DCLK2: variants seen among roughly 807,000 people sequenced by gnomAD.
The protein encoded by DCLK2 is serine/threonine-protein kinase DCLK2.
Under a neutral mutation model 78.4 loss-of-function variants are expected in DCLK2, and 31 were observed. That is an observed-to-expected ratio of 0.40 (90% CI 0.30 to 0.53). The LOEUF (loss-of-function observed/expected upper bound fraction) is 0.53. Among genes scored for constraint, DCLK2 ranks in the 20% least tolerant of loss-of-function variants. DCLK2 has a pLI of 0.61. For missense variants in DCLK2, 872 were observed against 973.7 expected, an observed-to-expected ratio of 0.90 and a Z score of 1.39; for synonymous variants, 407 against 374.9, an observed-to-expected ratio of 1.09 and a Z score of -0.99.
chr4:150,238,254 T>A (rs1050281724), intron 10 of DCLK2, among the ~76,000 whole-genome samples: 1 of 152,230 alleles, frequency 6.6e-6, no homozygotes. Context: ...ATTTCCCATA[T>A]GATTAATATA....
chr4:150,092,107 G>C (rs1379849436), intron 1 of DCLK2, among the ~76,000 whole-genome samples: 2 of 151,806 alleles, frequency 1.3e-5, no homozygotes, highest in African/African-American at 4.8e-5. Context: ...TGTCCCCCAG[G>C]TTTGTCCATG....
intron 2 of DCLK2, among the ~76,000 whole-genome samples, chr4:150,181,574 T>C (rs1170851933): frequency 1.3e-5 from 2 of 152,120 alleles, no homozygotes; most frequent in Non-Finnish European, 2.9e-5. Flanking sequence ...GGTGAATAGT[T>C]ATTATTATGA....
chr4:150,199,238 A>G (rs1739290268), intron 4 of DCLK2, among the ~76,000 whole-genome samples: 2 of 152,324 alleles, frequency 1.3e-5, no homozygotes, highest in Admixed American at 1.3e-4. Context: ...AAGACACTTT[A>G]GCCTCCTCTA....
At chr4:150,239,669 C>T (rs1742761556) in intron 10 of DCLK2, 73 bp from the exon 11 acceptor site, 1 of 1,557,892 alleles carries the variant, frequency 6.4e-7, no homozygotes, top group Non-Finnish European at 8.7e-7. Flanking sequence ...TCCTTTCTGC[C>T]TAATTCCAAG....
intron 2 of DCLK2, among the ~76,000 whole-genome samples, chr4:150,157,674 A>G (rs748857358): frequency 3.3e-4 from 50 of 152,002 alleles, no homozygotes; most frequent in Admixed American, 2.2e-3. Flanking sequence ...CACCATGCCC[A>G]GCAAATTTTT....
At chr4:150,216,987 G>A (rs1487544690) in intron 5 of DCLK2, among the ~76,000 whole-genome samples, 1 of 152,166 alleles carries the variant, frequency 6.6e-6, no homozygotes, top group Non-Finnish European at 1.5e-5. Context: ...CAGCATCTAG[G>A]CACTTTCTTT....
chr4:150,127,856 T>C (rs1268574555), intron 2 of DCLK2, among the ~76,000 whole-genome samples: 1 of 152,216 alleles, frequency 6.6e-6, no homozygotes, highest in Non-Finnish European at 1.5e-5. Flanking sequence ...AGCATCATTA[T>C]AGAACATTAG....
At position 150,220,732 on chromosome 4, in the gene DCLK2, C is replaced by T. The variant is rs1741124405; in HGVS notation, c.1086C>T (p.Ser362=). The T allele has an allele frequency of 6.2e-7, 1 of 1,613,844 alleles. No individual in the cohort carries two copies. The highest frequency in any genetic ancestry group is 1.1e-5 in the South Asian group (1 of 90,978). Residue 362 remains serine (S), a synonymous_variant, in exon 6 of 16, where the codon TCC becomes TCT. Coordinates refer to ENST00000296550, the MANE Select transcript of DCLK2 (RefSeq NM_001040260.4). ...TTTCTGCTCATGGCAGATCTTCTTC[C>T]AATGTAAACGGTGGACCTGAGCTTG... ...KQISAHGRSS[S]NVNGGPELDR...
chr4:150,194,901 G>A (rs1319358801), intron 3 of DCLK2, among the ~76,000 whole-genome samples: 1 of 151,446 alleles, frequency 6.6e-6, no homozygotes, highest in Non-Finnish European at 1.5e-5. Flanking sequence ...ACTTCTTGTT[G>A]CACTGTGTCA....
Position 150,079,253 on chromosome 4 carries a change from T to C in DCLK2, c.226T>C (p.Phe76Leu). The change falls in exon 1 of 16, where the codon TTC (phenylalanine) becomes CTC (leucine). Residue 76 changes from phenylalanine (F) to leucine (L), a missense_variant. Phe to Leu is a conservative substitution (Grantham distance 22, BLOSUM62 0). Around this residue, in one of 3 missense-constraint regions of DCLK2, gnomAD observed 567 missense variants for 593.4 expected, o/e 0.96. Transcript: ENST00000296550. ...SSEKKAKKARFYRNGDRYFKG... is the reference protein window; with the variant it reads ...SSEKKAKKARLYRNGDRYFKG... ...GGAGAAGAAGGCCAAGAAGGCGCGC[T>C]TCTACCGGAACGGGGACCGCTACTT... 1 of 1,607,684 alleles carries C rather than the reference T, an allele frequency of 6.2e-7. No homozygotes were observed. The highest frequency in any genetic ancestry group is 8.5e-7 in the Non-Finnish European group (1 of 1,177,284).
intron 3 of DCLK2, among the ~76,000 whole-genome samples, chr4:150,193,867 T>C (rs1367051408): frequency 6.6e-6 from 1 of 152,088 alleles, no homozygotes; most frequent in African/African-American, 2.4e-5. Flanking sequence ...TCCTCCTGCC[T>C]CAGCCTCCTG....
intron 12 of DCLK2, among the ~76,000 whole-genome samples, chr4:150,242,165 G>T (rs999809310): frequency 6.6e-6 from 1 of 152,184 alleles, no homozygotes; most frequent in East Asian, 1.9e-4. Context: ...ACTGACAGAT[G>T]TTAGTCTCTA....
At chr4:150,085,659 C>T (rs771608786) in intron 1 of DCLK2, among the ~76,000 whole-genome samples, 9 of 152,106 alleles carry the variant, frequency 5.9e-5, no homozygotes, top group Non-Finnish European at 8.8e-5. Flanking sequence ...ACTTCATAGG[C>T]TGGATTAGTG....
chr4:150,212,066 A>G (rs910351275), intron 5 of DCLK2, among the ~76,000 whole-genome samples: 1 of 152,206 alleles, frequency 6.6e-6, no homozygotes, highest in African/African-American at 2.4e-5. Context: ...GAGTCACAGC[A>G]CATCTGTGGA....
intron 5 of DCLK2, among the ~76,000 whole-genome samples, chr4:150,209,119 C>A (rs921012901): frequency 5.3e-5 from 8 of 152,202 alleles, no homozygotes; most frequent in Non-Finnish European, 8.8e-5. Context: ...CATGATCAGA[C>A]CAAAAATTTG....
chr4:150,245,636 C>T (rs1185790073), intron 12 of DCLK2, among the ~76,000 whole-genome samples: 5 of 152,140 alleles, frequency 3.3e-5, no homozygotes, highest in East Asian at 3.9e-4. Context: ...TTTGTCCTTG[C>T]GATAGTTTGC....
At chr4:150,204,168 ATAG>A (rs1228215739) in intron 5 of DCLK2, among the ~76,000 whole-genome samples, 2 of 152,194 alleles carry the variant, frequency 1.3e-5, no homozygotes, top group East Asian at 3.8e-4. Flanking sequence ...AGTATAATAA[ATAG>A]TAGTTTTCCA....
intron 1 of DCLK2, among the ~76,000 whole-genome samples, chr4:150,081,282 T>C (rs1729245200): frequency 6.6e-6 from 1 of 152,234 alleles, no homozygotes; most frequent in Non-Finnish European, 1.5e-5. Context: ...AGATGGACAT[T>C]ATGCATGTCC....
intron 2 of DCLK2, among the ~76,000 whole-genome samples, chr4:150,126,148 C>T (rs1732904106): frequency 6.6e-6 from 1 of 151,974 alleles, no homozygotes; most frequent in South Asian, 2.1e-4. Context: ...GCCAGTTGCC[C>T]CTCTAAGAAG....
Sources: allele counts gnomAD v4.1 joint callset (sites outside exome capture counted in the v4.1 genomes callset), GRCh38; gene constraint gnomAD v4.1.1; regional missense constraint gnomAD v4.1.1; transcripts MANE v1.5; gene names NCBI Gene and HGNC (gene_info 2026-07-23, HGNC 2026-07-21).